IRF2BP2: variants seen among roughly 807,000 people sequenced by gnomAD.
IRF2BP2 encodes interferon regulatory factor 2 binding protein 2.
In IRF2BP2, 13 loss-of-function variants were observed where a neutral mutation model predicts 32.7. The ratio of observed to expected loss-of-function variants is 0.40; its 90% CI spans 0.26 to 0.63. The LOEUF (loss-of-function observed/expected upper bound fraction) is 0.63. IRF2BP2 is among the 30% of genes least tolerant of loss of function. IRF2BP2 has a pLI of 0.42. For missense variants in IRF2BP2, 980 were observed against 830.6 expected (o/e 1.18, Z -2.21); for synonymous variants, 555 against 384.6 (o/e 1.44, Z -5.18).
At position 234,609,110 on chromosome 1, in the gene IRF2BP2, G is replaced by C. The variant is rs989405769; in HGVS notation, c.385C>G (p.Leu129Val). 2 of 1,229,262 alleles carry C rather than the reference G, an allele frequency of 1.6e-6. No homozygotes were observed. Among genetic ancestry groups the C allele is most frequent in the African/African-American group, 3.2e-5 (2 of 63,468 alleles). The allele number at this position is 1,229,262 out of a possible 1,614,324, so 76.1% of individuals were successfully genotyped here. A position where few individuals can be genotyped will look rare whatever the true frequency, so the allele number is the denominator to read the frequency against. The part of the protein sequence containing the change: ...LAAAAERPPR[L>V]GSDFGSSRPA... ...CGGCTGCTGCCGAAGTCAGAGCCGA[G>C]GCGCGGGGGCCTCTCGGCCGCGGCC... The change falls in exon 1 of 2, where the codon CTC becomes GTC. Residue 129 changes from leucine (L) to valine (V), a missense_variant. Coordinates refer to ENST00000366609, the MANE Select transcript of IRF2BP2 (RefSeq NM_182972.3).
In IRF2BP2 at chr1:234,606,950, G is replaced by A. The variant is rs1438318077; in HGVS notation, c.*187C>T. 7 of 532,974 alleles carry A rather than the reference G, an allele frequency of 1.3e-5. No individual in the cohort carries two copies. Among genetic ancestry groups the A allele is most frequent in the East Asian group, 3.0e-5 (1 of 33,528 alleles). The allele number at this position is 532,974 out of a possible 1,614,324, so 33.0% of individuals were successfully genotyped here. A position where few individuals can be genotyped will look rare whatever the true frequency, so the allele number is the denominator to read the frequency against. On this transcript the variant is annotated 3_prime_UTR_variant, in exon 2 of 2. Coordinates refer to ENST00000366609, the MANE Select transcript of IRF2BP2 (RefSeq NM_182972.3). ...ACAAAAGAAAAAAATGTCTTTATAA[G>A]TACATACCTTTTGTCGTCAAAAAAA... is the stretch of plus-strand genomic sequence containing the variant.
At chr1:234,608,014 C>G (rs1400630697) in intron 1 of IRF2BP2, 162 bp from the exon 2 acceptor site, 4 of 610,186 alleles carry the variant, frequency 6.6e-6, no homozygotes, top group Non-Finnish European at 1.1e-5. Flanking sequence ...GCACATGCAA[C>G]TTAAAACCTT....
rs1210741819 is a variant in IRF2BP2, at chr1:234,605,312, A to G, written c.*1825T>C. 6.6e-6 allele frequency: 1 copy of G among 152,274 alleles called. No individual in the cohort carries two copies. Among genetic ancestry groups the G allele is most frequent in the Non-Finnish European group, 1.5e-5 (1 of 68,046 alleles). The allele number at this position is 152,274 out of a possible 1,614,324, so 9.4% of individuals were successfully genotyped here. On this transcript the variant is annotated 3_prime_UTR_variant, in exon 2 of 2. Transcript: ENST00000366609. ...GAGACCAGTCTGCACTGAGTCATATATACTCCAACTTGAAAAAGTAAGTGT... is the reference window on the plus strand; with the variant it reads ...GAGACCAGTCTGCACTGAGTCATATGTACTCCAACTTGAAAAAGTAAGTGT...
chr1:234,609,071 G>A lies in IRF2BP2; in HGVS notation c.424C>T (p.Leu142=), dbSNP rs745531658. Residue 142 remains leucine, a synonymous_variant, in exon 1 of 2, where the codon CTG becomes TTG. Coordinates refer to ENST00000366609, the MANE Select transcript of IRF2BP2 (RefSeq NM_182972.3). ...GGCTGCGGCGTCGGCGGCTGGGCCAGGCTCGCTGCCGGGCGGCTGCTGCCG... is the reference window on the plus strand; with the variant it reads ...GGCTGCGGCGTCGGCGGCTGGGCCAAGCTCGCTGCCGGGCGGCTGCTGCCG... ...DFGSSRPAAS[L]AQPPTPQPPP... 4.0e-6 allele frequency: 5 copies of A among 1,262,034 alleles called. No individual in the cohort carries two copies. Among genetic ancestry groups the A allele is most frequent in the African/African-American group, 1.5e-5 (1 of 64,872 alleles). The allele number at this position is 1,262,034 out of a possible 1,614,324, so 78.2% of individuals were successfully genotyped here. A position where few individuals can be genotyped will look rare whatever the true frequency, so the allele number is the denominator to read the frequency against.
Position 234,607,081 on chromosome 1 carries a change from CAAT to C in IRF2BP2, c.*53_*55del. 1.7e-6 allele frequency: 2 copies of C among 1,192,836 alleles called. No individual in the cohort carries two copies. Among genetic ancestry groups the C allele is most frequent in the South Asian group, 2.7e-5 (2 of 73,992 alleles). The allele number at this position is 1,192,836 out of a possible 1,614,324, so 73.9% of individuals were successfully genotyped here. A position where few individuals can be genotyped will look rare whatever the true frequency, so the allele number is the denominator to read the frequency against. On this transcript the variant is annotated 3_prime_UTR_variant, in exon 2 of 2. Coordinates refer to ENST00000366609, the MANE Select transcript of IRF2BP2 (RefSeq NM_182972.3). ...ATATATATATATGGAGATATATATA[CAAT>C]TCAAGCAGTTTTAATTAAGGGTAAT...
In IRF2BP2 at chr1:234,606,887, C is replaced by T. The variant is rs908895932; in HGVS notation, c.*250G>A. On this transcript the variant is annotated 3_prime_UTR_variant, in exon 2 of 2. Transcript: ENST00000366609. ...AGCCTACATAGAACGGTAACTGTCA[C>T]CAGGATAATAAAGCACAAAGATATG... 2 of 331,534 alleles carry T rather than the reference C, an allele frequency of 6.0e-6. No individual in the cohort carries two copies. Among genetic ancestry groups the T allele is most frequent in the Non-Finnish European group, 1.1e-5 (2 of 180,650 alleles). The allele number at this position is 331,534 out of a possible 1,614,324, so 20.5% of individuals were successfully genotyped here.
chr1:234,608,223 AC>A, intron 1 of IRF2BP2: 1 of 522,594 alleles, frequency 1.9e-6, no homozygotes. Context: ...GGAAAGGAAA[AC>A]CCCGTGTCAG....
chr1:234,608,097 C>CTGTT, intron 1 of IRF2BP2: 1 of 555,408 alleles, frequency 1.8e-6, no homozygotes. Context: ...TTGTAACTGC[C>CTGTT]TGTTTGTACA....
rs1672283124 is a variant in IRF2BP2 at position 234,609,524 on chromosome 1, A to AGGC, written c.-33_-31dup. 8 of 1,380,214 alleles carry AGGC rather than the reference A, an allele frequency of 5.8e-6. No homozygotes were observed. The highest frequency in any genetic ancestry group is 7.7e-6 in the Non-Finnish European group (8 of 1,045,618). 85.5% of individuals were successfully genotyped at this position (1,380,214 alleles called of 1,614,324 possible). ...GAGGAGCCCGCGACGCCGGAGGAGGAGGCGGAGGAGGAGGAGGGGGCGCCG... is the reference window on the plus strand; with the variant it reads ...GAGGAGCCCGCGACGCCGGAGGAGGAGGCGGCGGAGGAGGAGGAGGGGGCGCCG... On this transcript the variant is annotated 5_prime_UTR_variant, in exon 1 of 2. Coordinates refer to ENST00000366609, the MANE Select transcript of IRF2BP2 (RefSeq NM_182972.3).
chr1:234,609,339 G>A lies in IRF2BP2; in HGVS notation c.156C>T (p.Val52=). The change falls in exon 1 of 2, where the codon GTC becomes GTT. Residue 52 remains valine (V), a synonymous_variant. Coordinates refer to ENST00000366609, the MANE Select transcript of IRF2BP2 (RefSeq NM_182972.3). ...GCTTGAGCTGCCGCGCCGTCTCGAT[G>A]ACGAACTCGACGCGGTCGGCGCCCT... is the stretch of plus-strand genomic sequence containing the variant. ...NYEGADRVEF[V]IETARQLKRA... is the part of the protein sequence containing the mutation. The A allele has an allele frequency of 1.3e-6, 2 of 1,532,494 alleles. No homozygotes were observed. Among genetic ancestry groups the A allele is most frequent in the East Asian group, 2.7e-5 (1 of 36,498 alleles). The allele number at this position is 1,532,494 out of a possible 1,614,324, so 94.9% of individuals were successfully genotyped here.
At chr1:234,607,905 G>C in intron 1 of IRF2BP2, 53 bp from the exon 2 acceptor site, 2 of 1,355,210 alleles carry the variant, frequency 1.5e-6, no homozygotes, top group Non-Finnish European at 2.0e-6. Context: ...GCGGTGCACT[G>C]AAAGAGATCA....
In IRF2BP2 at chr1:234,604,446, A is replaced by C. The variant is rs1161189204; in HGVS notation, c.*2691T>G. 6.6e-6 allele frequency: 1 copy of C among 152,224 alleles called. No individual in the cohort carries two copies. The highest frequency in any genetic ancestry group is 2.4e-5 in the African/African-American group (1 of 41,448). The allele number at this position is 152,224 out of a possible 1,614,324, so 9.4% of individuals were successfully genotyped here. A position where few individuals can be genotyped will look rare whatever the true frequency, so the allele number is the denominator to read the frequency against. On this transcript the variant is annotated 3_prime_UTR_variant, in exon 2 of 2. Transcript: ENST00000366609. Reference sequence around the variant, plus strand: ...TGACATGAGTTTCATCATATATAGAAAAAGTATCACCTTCAACTTAAAAAA... The same window carrying C: ...TGACATGAGTTTCATCATATATAGACAAAGTATCACCTTCAACTTAAAAAA...
At position 234,609,174 on chromosome 1, in the gene IRF2BP2, G is replaced by C; in HGVS notation, c.321C>G (p.Ala107=). The change falls in exon 1 of 2, where the codon GCC becomes GCG. Residue 107 remains alanine, a synonymous_variant. Transcript: ENST00000366609. The stretch of plus-strand genomic sequence containing the variant: ...GCTCCAAGGCCTGCGGCGCGCGCGG[G>C]GCCGCCTCGGGGCCGCCGTGGCCAA... The part of the protein sequence containing the change: ...QQLGHGGPEA[A]PRAPQALERY... The C allele has an allele frequency of 7.8e-7, 1 of 1,280,614 alleles. No homozygotes were observed. Among genetic ancestry groups the C allele is most frequent in the East Asian group, 3.2e-5 (1 of 31,066 alleles). 79.3% of individuals were successfully genotyped at this position (1,280,614 alleles called of 1,614,324 possible).
In IRF2BP2 at chr1:234,609,191, C is replaced by T. The variant is rs1430043821; in HGVS notation, c.304G>A (p.Gly102Ser). The T allele has an allele frequency of 1.5e-6, 2 of 1,303,238 alleles. No individual in the cohort carries two copies. Among genetic ancestry groups the T allele is most frequent in the South Asian group, 2.2e-5 (1 of 44,898 alleles). The allele number at this position is 1,303,238 out of a possible 1,614,324, so 80.7% of individuals were successfully genotyped here. A position where few individuals can be genotyped will look rare whatever the true frequency, so the allele number is the denominator to read the frequency against. The change falls in exon 1 of 2, where the codon GGC becomes AGC. Residue 102 changes from glycine (G) to serine (S), a missense_variant. Coordinates refer to ENST00000366609, the MANE Select transcript of IRF2BP2 (RefSeq NM_182972.3). Reference protein sequence around the residue: ...LLQQQQQLGHGGPEAAPRAPQ... With the variant: ...LLQQQQQLGHSGPEAAPRAPQ... ...GCGCGCGGGGCCGCCTCGGGGCCGC[C>T]GTGGCCAAGCTGCTGCTGCTGCTGC...
rs751288558 is a variant in IRF2BP2 at position 234,608,669 on chromosome 1, C to T, written c.826G>A (p.Ala276Thr). Residue 276 changes from alanine to threonine, a missense_variant, in exon 1 of 2, where the codon GCG becomes ACG. By Grantham distance (58) the Ala-to-Thr change is moderately conservative. Coordinates refer to ENST00000366609, the MANE Select transcript of IRF2BP2 (RefSeq NM_182972.3). ...HRGPADSLST[A>T]AGAAELSAEG... ...GCGCTCAGCTCGGCGGCCCCGGCCG[C>T]GGTGGACAGGCTGTCGGCCGGGCCC... 1.4e-5 allele frequency: 22 copies of T among 1,522,170 alleles called. No individual in the cohort carries two copies. The highest frequency in any genetic ancestry group is 1.7e-5 in the Non-Finnish European group (20 of 1,145,152). 94.3% of individuals were successfully genotyped at this position (1,522,170 alleles called of 1,614,324 possible). A position where few individuals can be genotyped will look rare whatever the true frequency, so the allele number is the denominator to read the frequency against.
At position 234,609,835 on chromosome 1, in the gene IRF2BP2, C is replaced by T. The variant is rs931774007; in HGVS notation, c.-341G>A. 7.0e-6 allele frequency among the ~76,000 whole-genome samples: 1 copy of T among 142,684 alleles called. No homozygotes were observed. The highest frequency in any genetic ancestry group is 2.5e-5 in the African/African-American group (1 of 39,770). The allele number at this position is 142,684 out of a possible 152,430, so 93.6% of individuals were successfully genotyped here. ...CTCGGCCGGAGCCGCGGCGGGCCTCCAGACCGGGGCGAAGACGGGCCGCGC... is the reference window on the plus strand; with the variant it reads ...CTCGGCCGGAGCCGCGGCGGGCCTCTAGACCGGGGCGAAGACGGGCCGCGC... On this transcript the variant is annotated 5_prime_UTR_variant, in exon 1 of 2. Coordinates refer to ENST00000366609, the MANE Select transcript of IRF2BP2 (RefSeq NM_182972.3).
At position 234,606,957 on chromosome 1, in the gene IRF2BP2, C is replaced by T. The variant is rs1487089857; in HGVS notation, c.*180G>A. On this transcript the variant is annotated 3_prime_UTR_variant, in exon 2 of 2. Coordinates refer to ENST00000366609, the MANE Select transcript of IRF2BP2 (RefSeq NM_182972.3). ...AAAAAAATGTCTTTATAAGTACATA[C>T]CTTTTGTCGTCAAAAAAAATATAGA... is the stretch of plus-strand genomic sequence containing the variant. The T allele has an allele frequency of 1.8e-6, 1 of 541,944 alleles. No individual in the cohort carries two copies. The highest frequency in any genetic ancestry group is 3.2e-6 in the Non-Finnish European group (1 of 310,788). The allele number at this position is 541,944 out of a possible 1,614,324, so 33.6% of individuals were successfully genotyped here. A position where few individuals can be genotyped will look rare whatever the true frequency, so the allele number is the denominator to read the frequency against.
Position 234,608,691 on chromosome 1 carries a change from G to A in IRF2BP2, c.804C>T (p.Gly268=), listed in dbSNP as rs769928910. ...CCGCGGTGGACAGGCTGTCGGCCGG[G>A]CCCCGGTGCGCAGGCGGCGGCGGTT... The part of the protein sequence containing the change: ...EKQPPPPAHR[G]PADSLSTAAG... The change falls in exon 1 of 2, where the codon GGC becomes GGT. Residue 268 remains glycine (G), a synonymous_variant. Coordinates refer to ENST00000366609, the MANE Select transcript of IRF2BP2 (RefSeq NM_182972.3). The A allele has an allele frequency of 1.5e-5, 22 of 1,505,654 alleles. No individual in the cohort carries two copies. The South Asian group carries it at 1.8e-4, about 12-fold the overall frequency. 93.3% of individuals were successfully genotyped at this position (1,505,654 alleles called of 1,614,324 possible). A position where few individuals can be genotyped will look rare whatever the true frequency, so the allele number is the denominator to read the frequency against.
intron 1 of IRF2BP2, chr1:234,608,134 C>T: frequency 1.9e-6 from 1 of 538,342 alleles, no homozygotes. Flanking sequence ...CTCGTTTGCA[C>T]TCAACATGTG....
Sources: gnomAD v4.1 joint callset for allele counts (sites outside exome capture counted in the v4.1 genomes callset) on GRCh38, gnomAD v4.1.1 for gene constraint, MANE v1.5 for transcripts, NCBI Gene and HGNC (gene_info 2026-07-23, HGNC 2026-07-21) for gene names.